Variants in XPNPEP1 observed in about 807,000 individuals in gnomAD.
The protein encoded by XPNPEP1 is X-prolyl aminopeptidase 1.
Under a neutral mutation model 92.4 loss-of-function variants are expected in XPNPEP1, and 39 were observed. The observed-to-expected ratio is 0.42, with a 90% CI of 0.33 to 0.55. XPNPEP1 has a LOEUF of 0.55. XPNPEP1 is among the 20% of genes least tolerant of loss of function. XPNPEP1 has a pLI of 0.08. For synonymous variants in XPNPEP1, 307 were observed against 299.4 expected (o/e 1.03, Z -0.26); for missense variants, 654 against 856.1 (o/e 0.76, Z 2.95).
In XPNPEP1 at chr10:109,888,224, C is replaced by G. The variant is rs569479474; in HGVS notation, c.509-32G>C. The G allele has an allele frequency of 3.7e-6, 6 of 1,601,334 alleles. No individual in the cohort carries two copies. The South Asian group carries it at 5.5e-5, about 15-fold the overall frequency. On this transcript the variant is annotated intron_variant, in intron 6 of 20. Coordinates refer to ENST00000502935, the MANE Select transcript of XPNPEP1 (RefSeq NM_020383.4). Reference sequence around the variant, plus strand: ...AGACACATTGTGGCCCAGCCATGAGCCGAACGCCCATTGCAGCAGGGCAGG... The same window carrying G: ...AGACACATTGTGGCCCAGCCATGAGGCGAACGCCCATTGCAGCAGGGCAGG...
intron 1 of XPNPEP1, among the ~76,000 whole-genome samples, chr10:109,921,804 C>T (rs1286442954): frequency 6.6e-6 from 1 of 152,184 alleles, no homozygotes; most frequent in Non-Finnish European, 1.5e-5. Flanking sequence ...CAGGTCAATC[C>T]CTCCCTCTGG....
chr10:109,866,905 T>A (rs1251217799), intron 20 of XPNPEP1, among the ~76,000 whole-genome samples: 1 of 152,252 alleles, frequency 6.6e-6, no homozygotes, highest in East Asian at 1.9e-4. Flanking sequence ...ATCCCTGGTC[T>A]ATGTCCAATG....
intron 3 of XPNPEP1, among the ~76,000 whole-genome samples, chr10:109,896,590 C>T (rs533242427): frequency 6.6e-6 from 1 of 151,894 alleles, no homozygotes; most frequent in African/African-American, 2.4e-5. Context: ...TCTTAATGAA[C>T]TTTTTATATG....
intron 1 of XPNPEP1, among the ~76,000 whole-genome samples, chr10:109,915,444 T>C (rs1336068258): frequency 1.3e-5 from 2 of 152,232 alleles, no homozygotes; most frequent in Non-Finnish European, 2.9e-5. Context: ...TGTCCTATTC[T>C]TGCACTCTGG....
At position 109,870,880 on chromosome 10, in the gene XPNPEP1, C is replaced by G; in HGVS notation, c.1547G>C (p.Arg516Pro). Residue 516 changes from arginine (R) to proline (P), a missense_variant, in exon 18 of 21, where the codon CGT becomes CCT. Arg to Pro is a moderately radical substitution (Grantham distance 103). Coordinates refer to ENST00000502935, the MANE Select transcript of XPNPEP1 (RefSeq NM_020383.4). ...TKGHLLDSFA[R>P]SALWDSGLDY... Reference sequence around the variant, plus strand: ...TAGGCCTGAATCCCATAAAGCTGAACGGGCAAAGGAGTCAAGAAGGTGACC... The same window carrying G: ...TAGGCCTGAATCCCATAAAGCTGAAGGGGCAAAGGAGTCAAGAAGGTGACC... 1 of 1,613,878 alleles carries G rather than the reference C, an allele frequency of 6.2e-7. No individual in the cohort carries two copies. Among genetic ancestry groups the G allele is most frequent in the Non-Finnish European group, 8.5e-7 (1 of 1,179,920 alleles).
chr10:109,893,113 A>T (rs767136081), intron 3 of XPNPEP1, 38 bp from the exon 4 acceptor site: 12 of 1,586,328 alleles, frequency 7.6e-6, no homozygotes, highest in East Asian at 2.2e-5. Context: ...GGCCTCGATC[A>T]GTCATGAGCA....
intron 3 of XPNPEP1, among the ~76,000 whole-genome samples, chr10:109,907,012 T>C (rs1036574825): frequency 6.6e-6 from 1 of 152,202 alleles, no homozygotes; most frequent in Non-Finnish European, 1.5e-5. Flanking sequence ...ATTATTAAGC[T>C]GTATGCTTCT....
chr10:109,888,576 A>G lies in XPNPEP1; in HGVS notation c.435T>C (p.Thr145=). Residue 145 remains threonine (T), a synonymous_variant, in exon 6 of 21, where the codon ACT becomes ACC. Transcript: ENST00000502935. ...LMKMGLKDTP[T]QEDWLVSVLP... ...GCACACTCACCAGCCAGTCTTCCTG[A>G]GTTGGTGTGTCCTTCAGACCTACAG... 1.2e-6 allele frequency: 2 copies of G among 1,608,936 alleles called. No individual in the cohort carries two copies. The highest frequency in any genetic ancestry group is 1.7e-6 in the Non-Finnish European group (2 of 1,177,018).
At chr10:109,877,660 T>G in intron 14 of XPNPEP1, 130 bp downstream of exon 14, 1 of 1,163,402 alleles carries the variant, frequency 8.6e-7, no homozygotes, top group South Asian at 1.3e-5. Flanking sequence ...CTTATTTCCC[T>G]TCATTTTACA....
Position 109,871,875 on chromosome 10 carries a change from C to A in XPNPEP1, c.1453-14G>T. The A allele has an allele frequency of 1.2e-6, 2 of 1,612,902 alleles. No homozygotes were observed. Among genetic ancestry groups the A allele is most frequent in the South Asian group, 2.2e-5 (2 of 90,764 alleles). On this transcript the variant is annotated splice_polypyrimidine_tract_variant and intron_variant, in intron 16 of 20. Transcript: ENST00000502935. ...TGTGAAGCATTCCTGCAAAGAAAAC[C>A]CAGGGGCATGTTGCAGAATGGGGAC... is the stretch of plus-strand genomic sequence containing the variant.
At chr10:109,869,021 C>T (rs1196105331) in intron 19 of XPNPEP1, among the ~76,000 whole-genome samples, 1 of 152,174 alleles carries the variant, frequency 6.6e-6, no homozygotes, top group Non-Finnish European at 1.5e-5. Context: ...ATGGGGGTAT[C>T]TGGGCTTAGG....
intron 15 of XPNPEP1, among the ~76,000 whole-genome samples, chr10:109,875,059 C>T (rs1308907059): frequency 6.6e-6 from 1 of 152,210 alleles, no homozygotes. Context: ...CTCTGAGAAA[C>T]TTTGTTCCAG....
intron 1 of XPNPEP1, among the ~76,000 whole-genome samples, chr10:109,922,480 C>A (rs188669444): frequency 5.9e-5 from 9 of 152,308 alleles, no homozygotes; most frequent in Admixed American, 2.0e-4. Flanking sequence ...TTTCTGCTCA[C>A]CCTTAACAAG....
chr10:109,875,692 T>C, intron 14 of XPNPEP1, 93 bp from the exon 15 acceptor site: 3 of 1,017,446 alleles, frequency 2.9e-6, no homozygotes, highest in Non-Finnish European at 4.4e-6. Flanking sequence ...GTACTATTCT[T>C]GCAACTTACA....
chr10:109,920,873 T>C (rs1481984463), intron 1 of XPNPEP1, among the ~76,000 whole-genome samples: 3 of 152,138 alleles, frequency 2.0e-5, no homozygotes, highest in African/African-American at 7.2e-5. Flanking sequence ...ATCCTATTCA[T>C]TCATTTTACA....
chr10:109,894,571 G>T (rs76206543), intron 3 of XPNPEP1, among the ~76,000 whole-genome samples: 1 of 146,804 alleles, frequency 6.8e-6, no homozygotes, highest in Non-Finnish European at 1.5e-5. Flanking sequence ...AAAAAAAAAG[G>T]ACTGCCTCTT....
intron 3 of XPNPEP1, among the ~76,000 whole-genome samples, chr10:109,905,275 G>A (rs1264278444): frequency 6.6e-6 from 1 of 151,998 alleles, no homozygotes; most frequent in Admixed American, 6.6e-5. Context: ...CTGCAATCTC[G>A]GCCGGCTCAC....
intron 3 of XPNPEP1, among the ~76,000 whole-genome samples, chr10:109,899,930 G>A (rs927465515): frequency 2.8e-4 from 43 of 152,318 alleles, no homozygotes; most frequent in Middle Eastern, 3.4e-3. Flanking sequence ...CCCAATATAC[G>A]ACTAGGATGG....
At position 109,871,720 on chromosome 10, in the gene XPNPEP1, C is replaced by CACTCAAACATAGACATATTTGAT. The variant is rs56930482; in HGVS notation, c.1522+49_1522+71dup. On this transcript the variant is annotated intron_variant, in intron 17 of 20. Transcript: ENST00000502935. ...ACAGTGAAGGAACGACATGTTCTTTCACTCAAACATAGACATATTTGATTC... is the reference window on the plus strand; with the variant it reads ...ACAGTGAAGGAACGACATGTTCTTTCACTCAAACATAGACATATTTGATACTCAAACATAGACATATTTGATTC... 5,356 of 1,532,152 alleles carry CACTCAAACATAGACATATTTGAT rather than the reference C, an allele frequency of 3.5e-3. 186 individuals are homozygous for CACTCAAACATAGACATATTTGAT. In the African/African-American group the frequency reaches 0.065, roughly 19 times the overall value. 94.9% of individuals were successfully genotyped at this position (1,532,152 alleles called of 1,614,324 possible).
Sources: gnomAD v4.1 joint callset for allele counts (sites outside exome capture counted in the v4.1 genomes callset) on GRCh38, gnomAD v4.1.1 for gene constraint, MANE v1.5 for transcripts, NCBI Gene and HGNC (gene_info 2026-07-23, HGNC 2026-07-21) for gene names.